Variants in SFMBT1 observed in about 807,000 individuals in gnomAD.
SFMBT1 encodes scm-like with four MBT domains protein 1.
Under a neutral mutation model 108.7 loss-of-function variants are expected in SFMBT1, and 32 were observed. That is an observed-to-expected ratio of 0.29 (90% CI 0.22 to 0.40). The LOEUF is 0.40. SFMBT1 is among the 10% of genes least tolerant of loss of function. The pLI, the probability that SFMBT1 is intolerant of heterozygous loss-of-function variation, is 1.00. For synonymous variants in SFMBT1, 348 were observed against 369.5 expected, an observed-to-expected ratio of 0.94 and a Z score of 0.67; for missense variants, 816 against 1,059.6, an observed-to-expected ratio of 0.77 and a Z score of 3.19.
intron 1 of SFMBT1, among the ~76,000 whole-genome samples, chr3:53,008,050 T>G (rs965598413): frequency 1.4e-5 from 2 of 144,212 alleles, no homozygotes; most frequent in Non-Finnish European, 3.0e-5. Flanking sequence ...ACTGAATCCT[T>G]TTGCTTGCCC....
At chr3:52,964,894 C>T (rs1316343742) in intron 2 of SFMBT1, among the ~76,000 whole-genome samples, 4 of 152,078 alleles carry the variant, frequency 2.6e-5, no homozygotes, top group Non-Finnish European at 4.4e-5. Context: ...TATACATATA[C>T]GTACTTAAAT....
chr3:52,996,387 A>C (rs1698333089), intron 1 of SFMBT1, among the ~76,000 whole-genome samples: 1 of 148,208 alleles, frequency 6.7e-6, no homozygotes, highest in Non-Finnish European at 1.5e-5. Context: ...TAATTTTTGT[A>C]TTTTTTTAGT....
chr3:53,032,301 C>A (rs56907549), intron 1 of SFMBT1, among the ~76,000 whole-genome samples: 9 of 152,084 alleles, frequency 5.9e-5, no homozygotes, highest in Non-Finnish European at 8.8e-5. Context: ...GCCCAGGAGG[C>A]GGAGGCTGCA....
Position 52,954,415 on chromosome 3 carries a change from G to T in SFMBT1, c.29-4C>A. On this transcript the variant is annotated splice_polypyrimidine_tract_variant and splice_region_variant and intron_variant, in intron 2 of 20. Transcript: ENST00000394752. The stretch of plus-strand genomic sequence containing the variant: ...TCTTCCATACCAGAGCCGGCATCTA[G>T]AATTAAAAATAAAACAAAAACAGGT... 1.2e-6 allele frequency: 2 copies of T among 1,606,428 alleles called. No homozygotes were observed.
rs535285042 is a variant in SFMBT1 at position 53,025,717 on chromosome 3, A to C, written c.-131+20099T>G. Reference sequence around the variant, plus strand: ...AAACAGAGACTCCTAAACATACTTCATCTTTGCCTTGGTAACTCTAGCCTC... The same window carrying C: ...AAACAGAGACTCCTAAACATACTTCCTCTTTGCCTTGGTAACTCTAGCCTC... On this transcript the variant is annotated intron_variant, in intron 1 of 20. Coordinates refer to ENST00000394752, the MANE Select transcript of SFMBT1 (RefSeq NM_016329.4). Among the ~76,000 whole-genome samples, 117 of 152,316 alleles carry C rather than the reference A, an allele frequency of 7.7e-4. 3 individuals are homozygous for C. In the South Asian group the frequency reaches 0.024, roughly 31 times the overall value.
chr3:52,953,831 T>C (rs1029341476), intron 3 of SFMBT1, among the ~76,000 whole-genome samples: 1 of 152,084 alleles, frequency 6.6e-6, no homozygotes, highest in African/African-American at 2.4e-5. Context: ...AAAAGGATTT[T>C]AGAATATGGC....
intron 13 of SFMBT1, 84 bp downstream of exon 13, chr3:52,918,400 G>GA (rs1702421160): frequency 9.2e-7 from 1 of 1,092,796 alleles, no homozygotes. Context: ...TTCCATCTGA[G>GA]AAAATGAGGA....
chr3:52,988,888 G>C (rs910794087), intron 1 of SFMBT1, among the ~76,000 whole-genome samples: 14 of 152,138 alleles, frequency 9.2e-5, no homozygotes, highest in Admixed American at 4.6e-4. Flanking sequence ...AGCGCAGCAG[G>C]ACACTTGGCA....
intron 2 of SFMBT1, among the ~76,000 whole-genome samples, chr3:52,967,726 A>G (rs558752292): frequency 5.9e-5 from 9 of 152,364 alleles, no homozygotes; most frequent in African/African-American, 1.9e-4. Flanking sequence ...AAGATGTTCA[A>G]TATCACTGGC....
At chr3:52,927,133 G>A (rs561947652) in intron 9 of SFMBT1, among the ~76,000 whole-genome samples, 3 of 152,270 alleles carry the variant, frequency 2.0e-5, no homozygotes, top group African/African-American at 7.2e-5. Flanking sequence ...TGCCTGCAAA[G>A]CAAGAACTTC....
chr3:52,993,855 A>G (rs1263990514), intron 1 of SFMBT1, among the ~76,000 whole-genome samples: 1 of 150,476 alleles, frequency 6.6e-6, no homozygotes, highest in Non-Finnish European at 1.5e-5. Context: ...AAAACAGTGT[A>G]AGAGACAGAA....
intron 11 of SFMBT1, among the ~76,000 whole-genome samples, chr3:52,921,245 C>A (rs778562054): frequency 1.3e-5 from 2 of 152,142 alleles, no homozygotes; most frequent in African/African-American, 2.4e-5. Context: ...ATATGGTAAC[C>A]GTAGCACTGA....
At chr3:52,946,940 T>C (rs1703387495) in intron 3 of SFMBT1, among the ~76,000 whole-genome samples, 1 of 151,530 alleles carries the variant, frequency 6.6e-6, no homozygotes, top group African/African-American at 2.4e-5. Flanking sequence ...CCTGGTTGAT[T>C]TTTGTATTTT....
chr3:52,990,290 G>A (rs959563754), intron 1 of SFMBT1, among the ~76,000 whole-genome samples: 13 of 152,220 alleles, frequency 8.5e-5, no homozygotes, highest in African/African-American at 1.4e-4. Flanking sequence ...AAGACAACTC[G>A]ACTCAGTTGT....
chr3:52,932,948 A>C (rs1179988797), intron 5 of SFMBT1, among the ~76,000 whole-genome samples: 2 of 152,128 alleles, frequency 1.3e-5, no homozygotes, highest in African/African-American at 4.8e-5. Context: ...GCAAATATCA[A>C]AATACCATCA....
intron 1 of SFMBT1, among the ~76,000 whole-genome samples, chr3:53,025,675 A>AAGAAGAT (rs1286967010): frequency 2.0e-5 from 3 of 152,188 alleles, no homozygotes; most frequent in African/African-American, 7.2e-5. Flanking sequence ...ATATATTTTT[A>AAGAAGAT]CTTCCCTATC....
At chr3:52,919,645 C>T (rs755282866) in intron 12 of SFMBT1, among the ~76,000 whole-genome samples, 1 of 152,188 alleles carries the variant, frequency 6.6e-6, no homozygotes, top group Non-Finnish European at 1.5e-5. Flanking sequence ...TTGCCACTTT[C>T]GAGGTTAGGT....
At chr3:53,042,295 GTATACTA>G (rs1187479304) in intron 1 of SFMBT1, among the ~76,000 whole-genome samples, 2 of 152,184 alleles carry the variant, frequency 1.3e-5, no homozygotes, top group African/African-American at 4.8e-5. Flanking sequence ...GAAAGCAAAA[GTATACTA>G]CAGAAGCAGG....
In SFMBT1 at chr3:52,930,858, G is replaced by A. The variant is rs559814917; in HGVS notation, c.795+83C>T. ...CATGGCATTCTTACCGACTGCAGGG[G>A]CTGCTTTACACTTTCACCTCCTGCG... is the stretch of plus-strand genomic sequence containing the variant. On this transcript the variant is annotated intron_variant, in intron 7 of 20. Coordinates refer to ENST00000394752, the MANE Select transcript of SFMBT1 (RefSeq NM_016329.4). The A allele has an allele frequency of 9.3e-5, 102 of 1,098,808 alleles. No individual in the cohort carries two copies. In the South Asian group the frequency reaches 1.3e-3, roughly 14 times the overall value. The allele number at this position is 1,098,808 out of a possible 1,614,324, so 68.1% of individuals were successfully genotyped here. A position where few individuals can be genotyped will look rare whatever the true frequency, so the allele number is the denominator to read the frequency against.
Sources: allele counts gnomAD v4.1 joint callset (sites outside exome capture counted in the v4.1 genomes callset), GRCh38; gene constraint gnomAD v4.1.1; transcripts MANE v1.5; gene names NCBI Gene and HGNC (gene_info 2026-07-23, HGNC 2026-07-21).